IL19: variants seen among roughly 807,000 people sequenced by gnomAD.
IL19 encodes interleukin 19, also known as interleukin-19.
IL19 carries 15 observed loss-of-function variants against 19.5 expected under a neutral mutation model. The ratio of observed to expected loss-of-function variants is 0.77; its 90% confidence interval spans 0.52 to 1.19. The LOEUF (loss-of-function observed/expected upper bound fraction) is 1.19. IL19 is among the 50% of genes most tolerant of loss of function. The pLI is 0.00. For synonymous variants in IL19, 78 were observed against 78.3 expected (o/e 1.00, Z 0.02); for missense variants, 199 against 213.1 (o/e 0.93, Z 0.41).
intron 1 of IL19, among the ~76,000 whole-genome samples, chr1:206,788,449 T>C (rs1675315995): frequency 6.6e-6 from 1 of 152,194 alleles, no homozygotes; most frequent in African/African-American, 2.4e-5. Context: ...AAAATAAGGC[T>C]CAAGTCTCCT....
At chr1:206,793,108 G>A (rs918728933) in intron 1 of IL19, among the ~76,000 whole-genome samples, 5 of 152,322 alleles carry the variant, frequency 3.3e-5, no homozygotes, top group Non-Finnish European at 7.4e-5. Flanking sequence ...TGCGCTTGTG[G>A]GACACCCACG....
At chr1:206,812,648 T>G (rs896230553) in intron 2 of IL19, among the ~76,000 whole-genome samples, 1 of 152,110 alleles carries the variant, frequency 6.6e-6, no homozygotes, top group Non-Finnish European at 1.5e-5. Flanking sequence ...CCACTGATGA[T>G]TCAGACCCTT....
intron 1 of IL19, chr1:206,772,485 C>G (rs1487090769): frequency 6.3e-7 from 1 of 1,577,030 alleles, no homozygotes; most frequent in Admixed American, 1.7e-5. Context: ...AGAGCAAGCC[C>G]CTGATGTGTA....
Position 206,781,912 on chromosome 1 carries a change from T to A in IL19, c.-149+10834T>A, listed in dbSNP as rs1297082797. 1.7e-3 allele frequency among the ~76,000 whole-genome samples: 202 copies of A among 115,658 alleles called. 11 individuals are homozygous for A. The highest frequency in any genetic ancestry group is 0.017 in the Admixed American group (193 of 11,420). 75.9% of individuals were successfully genotyped at this position (115,658 alleles called of 152,430 possible). Reference sequence around the variant, plus strand: ...GTATATAGTTATATATACATATATATGTATATAGTTATATATACATATATA... The same window carrying A: ...GTATATAGTTATATATACATATATAAGTATATAGTTATATATACATATATA... On this transcript the variant is annotated intron_variant, in intron 1 of 6. Transcript: ENST00000659997.
chr1:206,777,627 C>A (rs1217441937), intron 1 of IL19, among the ~76,000 whole-genome samples: 2 of 152,098 alleles, frequency 1.3e-5, no homozygotes, highest in Non-Finnish European at 2.9e-5. Flanking sequence ...GCTTGTTGGG[C>A]AACACGGTCA....
intron 1 of IL19, among the ~76,000 whole-genome samples, chr1:206,777,406 CAAAAAAA>C (rs761553258): frequency 3.7e-5 from 2 of 54,042 alleles, no homozygotes; most frequent in Non-Finnish European, 7.8e-5. Context: ...GACTCCGTCT[CAAAAAAA>C]AAAAAAAAAA....
intron 2 of IL19, among the ~76,000 whole-genome samples, chr1:206,831,399 C>A (rs1203409222): frequency 1.3e-5 from 2 of 152,104 alleles, no homozygotes; most frequent in East Asian, 3.8e-4. Context: ...GCAGATGCAA[C>A]CTTGTGTCTG....
intron 2 of IL19, among the ~76,000 whole-genome samples, chr1:206,813,959 C>T (rs1462968376): frequency 6.6e-6 from 1 of 152,172 alleles, no homozygotes; most frequent in East Asian, 1.9e-4. Flanking sequence ...CAGTTTCCAG[C>T]CTGCCAATCT....
At chr1:206,829,703 A>T (rs1243863008) in intron 2 of IL19, among the ~76,000 whole-genome samples, 3 of 152,104 alleles carry the variant, frequency 2.0e-5, no homozygotes, top group Admixed American at 6.5e-5. Context: ...GGAAGAGTGG[A>T]TTGTTCAGGA....
chr1:206,784,006 G>A (rs1023089784), intron 1 of IL19, among the ~76,000 whole-genome samples: 3 of 152,212 alleles, frequency 2.0e-5, no homozygotes, highest in Non-Finnish European at 2.9e-5. Context: ...GCTGCTAAAA[G>A]CTAAGTATGT....
At chr1:206,794,280 G>A (rs1373004006) in intron 1 of IL19, among the ~76,000 whole-genome samples, 1 of 152,178 alleles carries the variant, frequency 6.6e-6, no homozygotes, top group Non-Finnish European at 1.5e-5. Flanking sequence ...TGAAATAACA[G>A]ATGGAAAGTT....
chr1:206,834,286 C>T, intron 2 of IL19: 2 of 985,556 alleles, frequency 2.0e-6, no homozygotes, highest in Non-Finnish European at 2.4e-6. Flanking sequence ...ATCCACCCAG[C>T]AAACCTTGAC....
intron 2 of IL19, among the ~76,000 whole-genome samples, chr1:206,826,168 A>G (rs1676429597): frequency 6.6e-6 from 1 of 152,198 alleles, no homozygotes; most frequent in African/African-American, 2.4e-5. Context: ...TAATGCGGTG[A>G]GGGCACTGAG....
At chr1:206,788,958 T>G (rs1033888220) in intron 1 of IL19, among the ~76,000 whole-genome samples, 1 of 152,244 alleles carries the variant, frequency 6.6e-6, no homozygotes, top group Admixed American at 6.5e-5. Context: ...GGAGCTTTCC[T>G]GGGTCTGGTC....
chr1:206,827,211 G>A (rs1676460532), intron 2 of IL19, among the ~76,000 whole-genome samples: 1 of 152,068 alleles, frequency 6.6e-6, no homozygotes, highest in Non-Finnish European at 1.5e-5. Flanking sequence ...ATTGACATAG[G>A]AGAAGGAAAC....
At chr1:206,774,850 G>A (rs1674952885) in intron 1 of IL19, among the ~76,000 whole-genome samples, 1 of 152,120 alleles carries the variant, frequency 6.6e-6, no homozygotes, top group Non-Finnish European at 1.5e-5. Flanking sequence ...CTGGGCACAG[G>A]TAAGCATTCA....
chr1:206,780,670 C>T (rs1675109446), intron 1 of IL19, among the ~76,000 whole-genome samples: 1 of 152,206 alleles, frequency 6.6e-6, no homozygotes, highest in Non-Finnish European at 1.5e-5. Flanking sequence ...AATGGGCAAA[C>T]AGAGGCCTAG....
intron 2 of IL19, among the ~76,000 whole-genome samples, chr1:206,802,980 G>A (rs1359153439): frequency 6.6e-6 from 1 of 152,164 alleles, no homozygotes. Context: ...AGGGCGAGGG[G>A]GACGTCATTT....
At chr1:206,775,653 G>T (rs1027830359) in intron 1 of IL19, among the ~76,000 whole-genome samples, 4 of 152,174 alleles carry the variant, frequency 2.6e-5, no homozygotes, top group African/African-American at 9.7e-5. Flanking sequence ...CAACAAACAG[G>T]ACTCCTATTT....
Sources: gnomAD v4.1 joint callset for allele counts (sites outside exome capture counted in the v4.1 genomes callset) on GRCh38, gnomAD v4.1.1 for gene constraint, MANE v1.5 for transcripts, NCBI Gene and HGNC (gene_info 2026-07-23, HGNC 2026-07-21) for gene names.